Variants in MYOM3 observed in about 807,000 individuals in gnomAD.
MYOM3 encodes the protein myomesin-3.
MYOM3 carries 155 observed loss-of-function variants against 191.7 expected under a neutral mutation model. That is an observed-to-expected ratio of 0.81 (90% CI 0.71 to 0.92). The LOEUF (loss-of-function observed/expected upper bound fraction) is 0.92. MYOM3 is among the 40% of genes least tolerant of loss of function. MYOM3 has a pLI of 0.00. For synonymous variants in MYOM3, 757 were observed against 762.9 expected (o/e 0.99, Z 0.13); for missense variants, 1,889 against 1,890.6 (o/e 1.00, Z 0.02).
At chr1:24,106,210 T>C in intron 4 of MYOM3, 133 bp from the exon 5 acceptor site, 1 of 1,047,424 alleles carries the variant, frequency 9.5e-7, no homozygotes, top group Non-Finnish European at 1.3e-6. Flanking sequence ...TCCCCTCCCC[T>C]AGCTGAGCAG....
At chr1:24,091,892 G>A in intron 11 of MYOM3, among the ~76,000 whole-genome samples, 1 of 152,202 alleles carries the variant, frequency 6.6e-6, no homozygotes, top group South Asian at 2.1e-4. Context: ...CAGGGTTCAA[G>A]CACTCCCCGT....
At chr1:24,100,744 G>A (rs574455196) in intron 5 of MYOM3, among the ~76,000 whole-genome samples, 10 of 152,182 alleles carry the variant, frequency 6.6e-5, no homozygotes, top group African/African-American at 1.4e-4. Context: ...AACATTAGTC[G>A]GGCGTGGTGG....
chr1:24,078,660 T>G (rs1643631021), intron 20 of MYOM3, among the ~76,000 whole-genome samples: 1 of 152,198 alleles, frequency 6.6e-6, no homozygotes, highest in Non-Finnish European at 1.5e-5. Flanking sequence ...TTCCTAGGGC[T>G]GCAGAAAATG....
At chr1:24,106,665 C>T (rs1160654710) in intron 4 of MYOM3, among the ~76,000 whole-genome samples, 1 of 152,158 alleles carries the variant, frequency 6.6e-6, no homozygotes, top group African/African-American at 2.4e-5. Context: ...TCACTGAAAC[C>T]TCTGCCTCTT....
intron 6 of MYOM3, among the ~76,000 whole-genome samples, chr1:24,098,988 G>C (rs542546483): frequency 6.6e-6 from 1 of 152,304 alleles, no homozygotes; most frequent in African/African-American, 2.4e-5. Flanking sequence ...CTCAAGCATG[G>C]TGGCAGGGAT....
chr1:24,074,106 G>T, intron 23 of MYOM3, 54 bp downstream of exon 23: 2 of 1,436,904 alleles, frequency 1.4e-6, no homozygotes, highest in Non-Finnish European at 1.9e-6. Context: ...GTGGGCATTT[G>T]TGTTTGGGAC....
At chr1:24,084,910 C>G (rs1163659900) in intron 15 of MYOM3, among the ~76,000 whole-genome samples, 1 of 152,268 alleles carries the variant, frequency 6.6e-6, no homozygotes, top group African/African-American at 2.4e-5. Flanking sequence ...CACACACTCT[C>G]TCTCACTCAA....
In MYOM3 at chr1:24,065,920, T is replaced by C. The variant is rs1358277443; in HGVS notation, c.3505A>G (p.Thr1169Ala). 1 of 1,613,652 alleles carries C rather than the reference T, an allele frequency of 6.2e-7. No homozygotes were observed. The highest frequency in any genetic ancestry group is 1.7e-5 in the Admixed American group (1 of 60,028). ...EMPDGQYDPE[T>A]GTGLLCIEEL... Reference sequence around the variant, plus strand: ...TCAATGCAGAGAAGTCCCGTTCCCGTCTCTGGGTCATACTGACCATCTGGC... The same window carrying C: ...TCAATGCAGAGAAGTCCCGTTCCCGCCTCTGGGTCATACTGACCATCTGGC... The change falls in exon 29 of 37, where the codon ACG (threonine) becomes GCG (alanine). Residue 1169 changes from threonine (T) to alanine (A), a missense_variant. By Grantham distance (58) the Thr-to-Ala change is moderately conservative. Coordinates refer to ENST00000374434, the MANE Select transcript of MYOM3 (RefSeq NM_152372.4).
At chr1:24,092,808 A>G (rs1643856039) in intron 10 of MYOM3, 139 bp downstream of exon 10, 2 of 896,988 alleles carry the variant, frequency 2.2e-6, no homozygotes, top group Non-Finnish European at 3.2e-6. Context: ...GGAGACCCCA[A>G]CCCAAAGCCC....
intron 3 of MYOM3, among the ~76,000 whole-genome samples, chr1:24,107,575 C>A (rs574627386): frequency 6.6e-6 from 1 of 152,188 alleles, no homozygotes; most frequent in Non-Finnish European, 1.5e-5. Context: ...ACCACCCAAG[C>A]CTCCTAGCCC....
At position 24,081,391 on chromosome 1, in the gene MYOM3, A is replaced by G. The variant is rs1643666392; in HGVS notation, c.2346T>C (p.Val782=). ...FRARAANWAG[V]GELSAPSSLF... is the part of the protein sequence containing the mutation. ...GGCTGCTGGGTGCCGACAGCTCGCCAACACCTGCCCAGTTGGCAGCCCGGG... is the reference window on the plus strand; with the variant it reads ...GGCTGCTGGGTGCCGACAGCTCGCCGACACCTGCCCAGTTGGCAGCCCGGG... The change falls in exon 19 of 37, where the codon GTT becomes GTC. Residue 782 remains valine (V), a synonymous_variant. Transcript: ENST00000374434. 6.2e-7 allele frequency: 1 copy of G among 1,614,066 alleles called. No individual in the cohort carries two copies. Among genetic ancestry groups the G allele is most frequent in the African/African-American group, 1.3e-5 (1 of 74,938 alleles).
At chr1:24,062,146 G>A in intron 32 of MYOM3, 37 bp from the exon 33 acceptor site, 1 of 1,609,444 alleles carries the variant, frequency 6.2e-7, no homozygotes, top group Non-Finnish European at 8.5e-7. Context: ...AAGGCTGCCT[G>A]TCTGCAGGTC....
chr1:24,109,145 G>C (rs929094022), intron 1 of MYOM3, among the ~76,000 whole-genome samples: 1 of 152,114 alleles, frequency 6.6e-6, no homozygotes, highest in African/African-American at 2.4e-5. Context: ...TTCCTCTCCC[G>C]GCACACCCTT....
At chr1:24,097,635 T>A (rs1304202481) in intron 7 of MYOM3, among the ~76,000 whole-genome samples, 1 of 151,906 alleles carries the variant, frequency 6.6e-6, no homozygotes, top group Non-Finnish European at 1.5e-5. Flanking sequence ...TCAGGAGAGG[T>A]CAGTTCCCTT....
rs545205735 is a variant in MYOM3 at position 24,071,108 on chromosome 1, C to A, written c.3150+9G>T. On this transcript the variant is annotated intron_variant, in intron 25 of 36. Transcript: ENST00000374434. ...AGCCTCACTTCAGGGATTGTGAGCACCCAATTACCGGCGAGCTGAAGATCT... is the reference window on the plus strand; with the variant it reads ...AGCCTCACTTCAGGGATTGTGAGCAACCAATTACCGGCGAGCTGAAGATCT... 7 of 1,613,172 alleles carry A rather than the reference C, an allele frequency of 4.3e-6. No individual in the cohort carries two copies. Among genetic ancestry groups the A allele is most frequent in the East Asian group, 2.2e-5 (1 of 44,848 alleles).
chr1:24,065,235 G>A (rs961747334), intron 29 of MYOM3, among the ~76,000 whole-genome samples: 7 of 152,188 alleles, frequency 4.6e-5, no homozygotes, highest in African/African-American at 1.7e-4. Context: ...TGAAATCATT[G>A]TTTTCTTCCT....
intron 25 of MYOM3, 82 bp from the exon 26 acceptor site, chr1:24,068,449 G>A: frequency 1.9e-6 from 3 of 1,541,376 alleles, no homozygotes; most frequent in African/African-American, 2.7e-5. Flanking sequence ...AGTGGGCTTG[G>A]GGGTGGTAAG....
intron 22 of MYOM3, 48 bp from the exon 23 acceptor site, chr1:24,074,317 T>C (rs1399774122): frequency 6.9e-7 from 1 of 1,456,270 alleles, no homozygotes; most frequent in Non-Finnish European, 9.6e-7. Flanking sequence ...TCCTTGGTCC[T>C]GTGCACTAGA....
intron 5 of MYOM3, among the ~76,000 whole-genome samples, chr1:24,104,986 T>C (rs956943150): frequency 2.0e-5 from 3 of 152,162 alleles, no homozygotes; most frequent in Admixed American, 6.5e-5. Flanking sequence ...AGCTTAGCCA[T>C]GTGAATGACA....
Sources: gnomAD v4.1 joint callset for allele counts (sites outside exome capture counted in the v4.1 genomes callset) on GRCh38, gnomAD v4.1.1 for gene constraint, MANE v1.5 for transcripts, NCBI Gene and HGNC (gene_info 2026-07-23, HGNC 2026-07-21) for gene names.